Variants in THSD7B observed in about 807,000 individuals in gnomAD.
THSD7B encodes thrombospondin type 1 domain containing 7B, also known as thrombospondin type-1 domain-containing protein 7B.
In THSD7B, 138 loss-of-function variants were observed where a neutral mutation model predicts 213.6. The observed-to-expected ratio is 0.65, with a 90% CI of 0.56 to 0.74. THSD7B has a LOEUF of 0.74. Ranked by LOEUF, THSD7B falls within the 30% of genes least tolerant of loss-of-function variation. The pLI is 0.00. For synonymous variants in THSD7B, 742 were observed against 687.0 expected (o/e 1.08, Z -1.25); for missense variants, 1,931 against 1,991.5 (o/e 0.97, Z 0.58).
At chr2:136,777,833 A>G (rs925448894) in intron 1 of THSD7B, among the ~76,000 whole-genome samples, 2 of 152,210 alleles carry the variant, frequency 1.3e-5, no homozygotes, top group African/African-American at 4.8e-5. Context: ...TATTAGTAGA[A>G]AATATCACAA....
intron 14 of THSD7B, among the ~76,000 whole-genome samples, chr2:137,447,472 T>A (rs779500372): frequency 6.6e-6 from 1 of 152,194 alleles, no homozygotes; most frequent in Non-Finnish European, 1.5e-5. Flanking sequence ...TGAAAGCATT[T>A]TGTGACTCAG....
chr2:137,434,900 T>C (rs1434658103), intron 14 of THSD7B, among the ~76,000 whole-genome samples: 2 of 152,230 alleles, frequency 1.3e-5, no homozygotes. Context: ...CATTTTTTTC[T>C]TCCATTAAGA....
intron 2 of THSD7B, among the ~76,000 whole-genome samples, chr2:137,047,026 G>A (rs1413875765): frequency 6.6e-6 from 1 of 152,164 alleles, no homozygotes; most frequent in African/African-American, 2.4e-5. Flanking sequence ...ACCCAAAGTG[G>A]TAGAAATTTG....
intron 17 of THSD7B, among the ~76,000 whole-genome samples, chr2:137,579,978 T>G (rs1298393936): frequency 6.6e-6 from 1 of 152,184 alleles, no homozygotes; most frequent in East Asian, 1.9e-4. Context: ...TAACACAATT[T>G]GTGGTATCTT....
intron 7 of THSD7B, among the ~76,000 whole-genome samples, chr2:137,183,557 G>A (rs939664634): frequency 4.6e-5 from 7 of 152,060 alleles, no homozygotes; most frequent in African/African-American, 1.4e-4. Flanking sequence ...CTGAGATCAC[G>A]TTCTTAAAAA....
chr2:136,820,411 C>A (rs1029276033), intron 1 of THSD7B, among the ~76,000 whole-genome samples: 18 of 152,180 alleles, frequency 1.2e-4, no homozygotes, highest in African/African-American at 4.1e-4. Flanking sequence ...TGATGCAAGG[C>A]ACTGAGGACA....
At chr2:137,603,581 T>C (rs1360093890) in intron 17 of THSD7B, among the ~76,000 whole-genome samples, 1 of 152,166 alleles carries the variant, frequency 6.6e-6, no homozygotes, top group Non-Finnish European at 1.5e-5. Flanking sequence ...TTAATATTTA[T>C]ATAGCAAGTA....
intron 12 of THSD7B, among the ~76,000 whole-genome samples, chr2:137,378,696 T>A (rs1431430422): frequency 6.6e-6 from 1 of 152,212 alleles, no homozygotes; most frequent in Non-Finnish European, 1.5e-5. Context: ...CCTGATTTCC[T>A]GACTTGGCTA....
intron 7 of THSD7B, among the ~76,000 whole-genome samples, chr2:137,195,428 A>T (rs1280377358): frequency 2.0e-5 from 3 of 152,088 alleles, no homozygotes; most frequent in African/African-American, 7.2e-5. Context: ...TTAGAAAAAT[A>T]GCTGATTCCT....
intron 12 of THSD7B, among the ~76,000 whole-genome samples, chr2:137,294,148 G>A (rs187440986): frequency 6.6e-6 from 1 of 150,666 alleles, no homozygotes; most frequent in African/African-American, 2.5e-5. Flanking sequence ...TGGTTAACTC[G>A]TCTCTCTCTT....
chr2:137,341,617 G>C (rs935337805), intron 12 of THSD7B, among the ~76,000 whole-genome samples: 1 of 151,488 alleles, frequency 6.6e-6, no homozygotes, highest in Non-Finnish European at 1.5e-5. Context: ...ATGTTTAAGT[G>C]TTTAATCCAT....
chr2:137,083,023 C>T (rs1371105778), intron 3 of THSD7B, among the ~76,000 whole-genome samples: 1 of 152,032 alleles, frequency 6.6e-6, no homozygotes, highest in African/African-American at 2.4e-5. Context: ...ATATTTAAAA[C>T]ATAATTTCAT....
intron 3 of THSD7B, among the ~76,000 whole-genome samples, chr2:137,078,627 T>G (rs759534842): frequency 6.6e-6 from 1 of 152,170 alleles, no homozygotes. Context: ...GTCTTTATTA[T>G]TTAGTTTTTC....
In THSD7B at chr2:137,331,037, G is replaced by A. The variant is rs190778318; in HGVS notation, c.2500+55011G>A. ...AGCAGCTAGATACAGAGTGTCCATT[G>A]GTGCATTCACAAACCCTGAGCTAGA... On this transcript the variant is annotated intron_variant, in intron 12 of 27. Coordinates refer to ENST00000409968, the MANE Select transcript of THSD7B (RefSeq NM_001316349.2). 3.0e-4 allele frequency among the ~76,000 whole-genome samples: 45 copies of A among 152,232 alleles called. No homozygotes were observed. In the East Asian group the frequency reaches 7.7e-3, roughly 26 times the overall value.
At chr2:137,410,624 A>G (rs1345556472) in intron 13 of THSD7B, among the ~76,000 whole-genome samples, 1 of 152,160 alleles carries the variant, frequency 6.6e-6, no homozygotes, top group Non-Finnish European at 1.5e-5. Flanking sequence ...AGAGCCAATC[A>G]TCCCATCAGC....
chr2:137,533,060 T>A (rs75196298), intron 15 of THSD7B, among the ~76,000 whole-genome samples: 36,139 of 150,854 alleles, frequency 0.24, 4,431 homozygotes, highest in South Asian at 0.31. Flanking sequence ...ATAAATAATG[T>A]TATACATATG....
intron 2 of THSD7B, among the ~76,000 whole-genome samples, chr2:136,944,597 G>A (rs145387037): frequency 6.6e-6 from 1 of 151,972 alleles, no homozygotes; most frequent in Non-Finnish European, 1.5e-5. Flanking sequence ...ATTTAGGATC[G>A]TTAGCTCTTC....
chr2:137,284,359 T>A (rs1683115006), intron 12 of THSD7B, among the ~76,000 whole-genome samples: 1 of 152,144 alleles, frequency 6.6e-6, no homozygotes, highest in Non-Finnish European at 1.5e-5. Flanking sequence ...AGCTCCTGGA[T>A]TCATTGATTT....
At chr2:137,135,440 G>A (rs1289397810) in intron 5 of THSD7B, among the ~76,000 whole-genome samples, 5 of 152,168 alleles carry the variant, frequency 3.3e-5, no homozygotes, top group African/African-American at 1.2e-4. Context: ...CAGCTCAGGA[G>A]CCCTTCTTTG....
Sources: allele counts gnomAD v4.1 joint callset (sites outside exome capture counted in the v4.1 genomes callset), GRCh38; gene constraint gnomAD v4.1.1; transcripts MANE v1.5; gene names NCBI Gene and HGNC (gene_info 2026-07-23, HGNC 2026-07-21).